Variants in MYO16 observed in about 807,000 individuals in gnomAD.
MYO16 encodes unconventional myosin-XVI.
MYO16 carries 94 observed loss-of-function variants against 205.3 expected under a neutral mutation model. The observed-to-expected ratio is 0.46, with a 90% CI of 0.39 to 0.54. The LOEUF (loss-of-function observed/expected upper bound fraction) is 0.54, where lower values mean the gene tolerates loss of function less well. MYO16 is among the 20% of genes least tolerant of loss of function. The probability of loss-of-function intolerance (pLI) is 0.00; values close to 1 mark genes in which losing one functional copy is unlikely to be tolerated. For missense variants in MYO16, 2,315 were observed against 2,387.5 expected, an observed-to-expected ratio of 0.97 and a Z score of 0.63; for synonymous variants, 988 against 954.0, an observed-to-expected ratio of 1.04 and a Z score of -0.66.
chr13:108,573,095 C>G, the MYO16 span, among the ~76,000 whole-genome samples: 8 of 151,616 alleles, frequency 5.3e-5, no homozygotes, highest in African/African-American at 2.0e-4. Flanking sequence ...AACTGGCATG[C>G]TTTTTGTCCC....
At chr13:108,506,572 ATGTG>A in the MYO16 span, among the ~76,000 whole-genome samples, 1 of 151,188 alleles carries the variant, frequency 6.6e-6, no homozygotes, top group Non-Finnish European at 1.5e-5. Flanking sequence ...GTATGTGTGT[ATGTG>A]TGTGTGTGTG....
intron 16 of MYO16, among the ~76,000 whole-genome samples, chr13:108,917,468 A>T (rs1284980219): frequency 6.6e-6 from 1 of 152,242 alleles, no homozygotes; most frequent in Non-Finnish European, 1.5e-5. Flanking sequence ...AAGTGTCAGT[A>T]AGTCTGGGTA....
Position 109,127,527 on chromosome 13 carries a change from C to T in MYO16, c.4028C>T (p.Ala1343Val), listed in dbSNP as rs1341987583. The change falls in exon 31 of 35, where the codon GCG becomes GTG. Residue 1343 changes from alanine to valine, a missense_variant. By Grantham distance (64) the Ala-to-Val change is moderately conservative (BLOSUM62 0). This residue lies in a region of MYO16 where 1,097 missense variants were observed against 1,092.0 expected (regional missense o/e 1.00). Coordinates refer to ENST00000457511, the MANE Select transcript of MYO16 (RefSeq NM_001198950.3). This position sits in a 1 kb window ranked among gnomAD's most constrained non-coding sequence, Gnocchi z 4.2. ...GAGGCTGTGAGCGCCTGCCTCTCCG[C>T]GGCCAGGGAAGCGGCCAACGAAGGT... ...SYEAVSACLSAAREAANEALA... is the reference protein window; with the variant it reads ...SYEAVSACLSVAREAANEALA... 6.8e-6 allele frequency: 11 copies of T among 1,611,754 alleles called. No individual in the cohort carries two copies. The highest frequency in any genetic ancestry group is 2.2e-5 in the East Asian group (1 of 44,854).
intron 7 of MYO16, among the ~76,000 whole-genome samples, chr13:108,809,604 A>T (rs1285259062): frequency 6.6e-6 from 1 of 152,086 alleles, no homozygotes; most frequent in Non-Finnish European, 1.5e-5. Flanking sequence ...AAACAATGAG[A>T]TCTTTTGAGA....
intron 1 of MYO16, among the ~76,000 whole-genome samples, chr13:108,598,259 G>T (rs1464030196): frequency 2.0e-5 from 3 of 152,170 alleles, no homozygotes; most frequent in Non-Finnish European, 4.4e-5. Flanking sequence ...TGACACTCTA[G>T]TGGTAGTAAT....
At chr13:108,840,582 G>A (rs1376431655) in intron 9 of MYO16, among the ~76,000 whole-genome samples, 1 of 151,948 alleles carries the variant, frequency 6.6e-6, no homozygotes, top group Non-Finnish European at 1.5e-5. Context: ...CTGTCACTCA[G>A]GCTGGAGCAT....
intron 23 of MYO16, among the ~76,000 whole-genome samples, chr13:109,026,916 G>A (rs9587754): frequency 0.017 from 2,574 of 152,214 alleles, 74 homozygotes; most frequent in African/African-American, 0.059. Context: ...TACTATTTCC[G>A]TTTTCCAGGT....
At chr13:108,693,228 A>G (rs1379826367) in intron 2 of MYO16, among the ~76,000 whole-genome samples, 4 of 152,180 alleles carry the variant, frequency 2.6e-5, no homozygotes, top group African/African-American at 9.7e-5. Flanking sequence ...ATGGTGGTAA[A>G]AGACACCTAA....
intron 2 of MYO16, among the ~76,000 whole-genome samples, chr13:108,668,110 GT>G (rs1426008887): frequency 6.6e-6 from 1 of 152,202 alleles, no homozygotes; most frequent in Admixed American, 6.5e-5. Flanking sequence ...GCACCATTGT[GT>G]TTAGGTTAGG....
chr13:108,607,060 G>A (rs565756239), intron 1 of MYO16, among the ~76,000 whole-genome samples: 4 of 152,150 alleles, frequency 2.6e-5, no homozygotes, highest in Non-Finnish European at 5.9e-5. Context: ...CATTGGAACT[G>A]GTGTACTTAC....
Position 108,977,976 on chromosome 13 carries a change from AT to A in MYO16, c.2369+13077del, listed in dbSNP as rs1259443296. ...TTTTCTTCCGCAAATATATTTCAAC[AT>A]TTATTATTGTATTCCTTAAATAATA... On this transcript the variant is annotated intron_variant, in intron 20 of 34. Transcript: ENST00000457511. Among the ~76,000 whole-genome samples the A allele has an allele frequency of 2.6e-5, 4 of 152,174 alleles. No homozygotes were observed. In the East Asian group the frequency reaches 7.7e-4, roughly 29 times the overall value.
intron 9 of MYO16, among the ~76,000 whole-genome samples, chr13:108,828,855 C>T (rs1465385766): frequency 6.6e-6 from 1 of 152,114 alleles, no homozygotes; most frequent in African/African-American, 2.4e-5. Flanking sequence ...TTTGATGTAC[C>T]CTGCATCCTT....
At chr13:109,040,410 AG>A (rs1279325963) in intron 23 of MYO16, among the ~76,000 whole-genome samples, 2 of 151,358 alleles carry the variant, frequency 1.3e-5, no homozygotes, top group Admixed American at 6.6e-5. Context: ...AGAGAGAGAG[AG>A]AGAGAAAATT....
At chr13:108,681,351 G>A (rs1882454599) in intron 2 of MYO16, among the ~76,000 whole-genome samples, 1 of 152,174 alleles carries the variant, frequency 6.6e-6, no homozygotes, top group Admixed American at 6.6e-5. Context: ...GTGACTCGGT[G>A]CCTAAAGTGA....
intron 14 of MYO16, among the ~76,000 whole-genome samples, chr13:108,891,123 C>T (rs1426534763): frequency 6.6e-6 from 1 of 152,226 alleles, no homozygotes; most frequent in Non-Finnish European, 1.5e-5. Flanking sequence ...TCATTACCCC[C>T]AGTTTCCTAA....
At chr13:108,855,113 TAC>T (rs1450805247) in intron 10 of MYO16, among the ~76,000 whole-genome samples, 1 of 152,186 alleles carries the variant, frequency 6.6e-6, no homozygotes, top group African/African-American at 2.4e-5. Flanking sequence ...CTGAGAACAG[TAC>T]AGAGCTGTCT....
intron 12 of MYO16, among the ~76,000 whole-genome samples, chr13:108,875,979 C>A (rs980679403): frequency 1.3e-5 from 2 of 150,652 alleles, no homozygotes; most frequent in East Asian, 3.9e-4. Context: ...TAATGAAATT[C>A]TCATTTACAA....
At chr13:108,748,684 T>A (rs922500996) in intron 4 of MYO16, among the ~76,000 whole-genome samples, 1 of 152,100 alleles carries the variant, frequency 6.6e-6, no homozygotes, top group African/African-American at 2.4e-5. Flanking sequence ...GATATAAATA[T>A]AGTCCAGTGA....
chr13:108,938,067 ATGT>A (rs1204668484), intron 16 of MYO16, among the ~76,000 whole-genome samples: 1 of 151,622 alleles, frequency 6.6e-6, no homozygotes, highest in Non-Finnish European at 1.5e-5. Context: ...TTTCCCTATA[ATGT>A]TGTTGTTGTT....
Sources: gnomAD v4.1 joint callset for allele counts (sites outside exome capture counted in the v4.1 genomes callset) on GRCh38, gnomAD v4.1.1 for gene constraint, gnomAD v4.1.1 regional missense constraint, Gnocchi (gnomAD v3.1) non-coding constraint, MANE v1.5 for transcripts, NCBI Gene and HGNC (gene_info 2026-07-23, HGNC 2026-07-21) for gene names.